STRN3: variants seen among roughly 807,000 people sequenced by gnomAD.
The protein encoded by STRN3 is striatin 3.
A neutral mutation model predicts 95.6 loss-of-function variants in STRN3; 29 were observed. The ratio of observed to expected loss-of-function variants is 0.30; its 90% CI spans 0.23 to 0.41. The LOEUF is 0.41. Ranked by LOEUF, STRN3 falls within the 10% of genes least tolerant of loss-of-function variation. The pLI, the probability that STRN3 is intolerant of heterozygous loss-of-function variation, is 1.00. For synonymous variants in STRN3, 331 were observed against 357.6 expected (o/e 0.93, Z 0.84); for missense variants, 890 against 972.1 (o/e 0.92, Z 1.12).
chr14:31,007,196 G>A (rs759590908), intron 1 of STRN3, among the ~76,000 whole-genome samples: 8 of 152,120 alleles, frequency 5.3e-5, no homozygotes, highest in Admixed American at 1.3e-4. Flanking sequence ...CGGAAGGACC[G>A]CAGCAGACAT....
chr14:30,943,570 A>C (rs1879195429), intron 5 of STRN3, among the ~76,000 whole-genome samples: 1 of 152,232 alleles, frequency 6.6e-6, no homozygotes, highest in African/African-American at 2.4e-5. Context: ...ACTGCACTCC[A>C]GCCTGGGCAA....
At chr14:31,018,587 T>C in intron 1 of STRN3, 1 of 494,272 alleles carries the variant, frequency 2.0e-6, no homozygotes, top group South Asian at 1.5e-5. Context: ...GCTGTGGGTG[T>C]TGGACTCAGA....
chr14:30,929,967 A>AAAAACAAAAAAAAAAC lies in STRN3; in HGVS notation c.989-657_989-656insGTTTTTTTTTTGTTTT, dbSNP rs1555317338. On this transcript the variant is annotated intron_variant, in intron 7 of 17. Coordinates refer to ENST00000357479, the MANE Select transcript of STRN3 (RefSeq NM_001083893.2). Reference sequence around the variant, plus strand: ...AACTAAGATTAGCAAAAAAAAAAAAAAAAAAAAAAAAACTCAAATTCCACT... The same window carrying AAAAACAAAAAAAAAAC: ...AACTAAGATTAGCAAAAAAAAAAAAAAAAACAAAAAAAAAACAAAAAAAAAAAACTCAAATTCCACT... Among the ~76,000 whole-genome samples, 117 of 91,202 alleles carry AAAAACAAAAAAAAAAC rather than the reference A, an allele frequency of 1.3e-3. 3 individuals carry two copies. In the East Asian group the frequency reaches 0.022, roughly 17 times the overall value. 59.8% of individuals were successfully genotyped at this position (91,202 alleles called of 152,430 possible).
chr14:30,985,890 G>A (rs1881666608), intron 1 of STRN3, among the ~76,000 whole-genome samples: 1 of 152,016 alleles, frequency 6.6e-6, no homozygotes. Context: ...TTCAGAACAA[G>A]ACCTAGCTCA....
intron 7 of STRN3, among the ~76,000 whole-genome samples, chr14:30,933,179 T>C (rs1489805203): frequency 6.8e-6 from 1 of 147,986 alleles, no homozygotes; most frequent in Non-Finnish European, 1.5e-5. Context: ...TTCAGGAGAC[T>C]GAGGTGGGAA....
intron 1 of STRN3, among the ~76,000 whole-genome samples, chr14:30,979,087 C>G (rs1046039222): frequency 4.4e-5 from 5 of 113,666 alleles, no homozygotes; most frequent in African/African-American, 1.7e-4. Flanking sequence ...TTGCAGCAAA[C>G]AAGATTAATA....
chr14:30,926,622 CTTA>C (rs1405062899), intron 8 of STRN3, among the ~76,000 whole-genome samples: 1 of 151,628 alleles, frequency 6.6e-6, no homozygotes, highest in South Asian at 2.1e-4. Flanking sequence ...TATATTACTT[CTTA>C]TAAGTACTTC....
intron 5 of STRN3, among the ~76,000 whole-genome samples, chr14:30,944,304 A>C (rs551966803): frequency 6.6e-6 from 1 of 152,112 alleles, no homozygotes; most frequent in East Asian, 1.9e-4. Flanking sequence ...CTCTTATGCT[A>C]CAAAACACTC....
At chr14:31,002,410 G>A (rs1329586322) in intron 1 of STRN3, among the ~76,000 whole-genome samples, 1 of 147,404 alleles carries the variant, frequency 6.8e-6, no homozygotes, top group African/African-American at 2.5e-5. Context: ...GGTGGAGGTT[G>A]CAGTGAGTCA....
At chr14:30,921,707 A>G (rs1190638171) in intron 8 of STRN3, among the ~76,000 whole-genome samples, 1 of 152,236 alleles carries the variant, frequency 6.6e-6, no homozygotes, top group Non-Finnish European at 1.5e-5. Flanking sequence ...TATCAGCAAT[A>G]AGAAAACTGT....
intron 1 of STRN3, among the ~76,000 whole-genome samples, chr14:30,998,118 G>A (rs186315579): frequency 1.6e-4 from 25 of 152,232 alleles, no homozygotes; most frequent in East Asian, 1.5e-3. Context: ...GCAGAACAGC[G>A]TTGGAGCCCC....
chr14:30,900,584 T>G (rs554712366), intron 16 of STRN3, among the ~76,000 whole-genome samples: 1 of 151,234 alleles, frequency 6.6e-6, no homozygotes, highest in East Asian at 2.0e-4. Context: ...ATACAAAAAT[T>G]AGCTGGACAT....
At chr14:30,991,586 G>A (rs989585774) in intron 1 of STRN3, among the ~76,000 whole-genome samples, 1 of 152,168 alleles carries the variant, frequency 6.6e-6, no homozygotes, top group African/African-American at 2.4e-5. Context: ...TCAAATGGGA[G>A]AGGAAGTGTT....
At chr14:31,008,950 G>A (rs1882840025) in intron 1 of STRN3, among the ~76,000 whole-genome samples, 1 of 151,654 alleles carries the variant, frequency 6.6e-6, no homozygotes, top group African/African-American at 2.4e-5. Flanking sequence ...GAGGAGGAAG[G>A]ACCACTTGAG....
At chr14:30,986,156 G>C (rs1881682094) in intron 1 of STRN3, among the ~76,000 whole-genome samples, 1 of 152,154 alleles carries the variant, frequency 6.6e-6, no homozygotes, top group Non-Finnish European at 1.5e-5. Context: ...CCTTCCATTT[G>C]GAAAACATGT....
chr14:30,947,255 T>A lies in STRN3; in HGVS notation c.551A>T (p.Gln184Leu). 1 of 1,582,950 alleles carries A rather than the reference T, an allele frequency of 6.3e-7. No individual in the cohort carries two copies. Among genetic ancestry groups the A allele is most frequent in the East Asian group, 2.3e-5 (1 of 44,006 alleles). ...TATTGTATCTGTATAACCTACTTCC[T>A]GAAGATACCTGTAAGAGAAAATAAA... ...QGRQLLRQYL[Q>L]EVGYTDTILD... The change falls in exon 5 of 18, where the codon CAG becomes CTG. Residue 184 changes from glutamine to leucine, a missense_variant. Transcript: ENST00000357479.
At chr14:31,025,688 G>A (rs179739) in intron 1 of STRN3, 1 of 713,574 alleles carries the variant, frequency 1.4e-6, no homozygotes, top group Non-Finnish European at 2.2e-6. Flanking sequence ...GGCCCGCACC[G>A]CGTAGCCAGT....
At chr14:30,933,280 T>TTA (rs1555317709) in intron 7 of STRN3, among the ~76,000 whole-genome samples, 8,446 of 23,690 alleles carry the variant, frequency 0.36, 2,019 homozygotes, top group Non-Finnish European at 0.43. Context: ...CCCTGTTTCA[T>TTA]AAAAAAAAAA....
chr14:30,950,158 A>G (rs1879567829), intron 4 of STRN3, among the ~76,000 whole-genome samples: 1 of 152,162 alleles, frequency 6.6e-6, no homozygotes, highest in African/African-American at 2.4e-5. Context: ...TTATATAGTT[A>G]AGGATTTAAA....
Sources: gnomAD v4.1 joint callset for allele counts (sites outside exome capture counted in the v4.1 genomes callset) on GRCh38, gnomAD v4.1.1 for gene constraint, MANE v1.5 for transcripts, NCBI Gene and HGNC (gene_info 2026-07-23, HGNC 2026-07-21) for gene names.